COL21A1: variants seen among roughly 807,000 people sequenced by gnomAD.
COL21A1 encodes collagen alpha-1(XXI) chain.
Under a neutral mutation model 137.9 loss-of-function variants are expected in COL21A1, and 149 were observed. The ratio of observed to expected loss-of-function variants is 1.08; its 90% CI spans 0.95 to 1.24. The LOEUF (loss-of-function observed/expected upper bound fraction) is 1.24. Ranked by LOEUF, COL21A1 falls within the 50% of genes most tolerant of loss-of-function variation. The pLI is 0.00. For missense variants in COL21A1, 1,167 were observed against 1,158.4 expected (o/e 1.01, Z -0.11); for synonymous variants, 456 against 391.5 (o/e 1.16, Z -1.95).
chr6:56,143,751 C>T (rs73461361), intron 10 of COL21A1, among the ~76,000 whole-genome samples: 2,607 of 152,204 alleles, frequency 0.017, 70 homozygotes, highest in African/African-American at 0.06. Flanking sequence ...GCACTCTCTC[C>T]GTCACTGGAT....
rs376945703 is a variant in COL21A1, at chr6:56,124,625, A to ATTTTTTT, written c.1651-334_1651-333insAAAAAAA. Among the ~76,000 whole-genome samples the ATTTTTTT allele has an allele frequency of 7.2e-3, 736 of 101,880 alleles. 2 individuals carry two copies. The highest frequency in any genetic ancestry group is 0.016 in the African/African-American group (434 of 27,868). 66.8% of individuals were successfully genotyped at this position (101,880 alleles called of 152,430 possible). The stretch of plus-strand genomic sequence containing the variant: ...CCCATAACATCAAATTTCAGTGGAC[A>ATTTTTTT]TGTTTTTTGTTTGTTTGTTTGTTTG... On this transcript the variant is annotated intron_variant, in intron 14 of 29. Transcript: ENST00000244728.
intron 1 of COL21A1, among the ~76,000 whole-genome samples, chr6:56,323,228 A>C (rs1327934827): frequency 6.6e-6 from 1 of 152,200 alleles, no homozygotes; most frequent in African/African-American, 2.4e-5. Flanking sequence ...TCATTTGTGC[A>C]TGATTAAGAA....
intron 17 of COL21A1, among the ~76,000 whole-genome samples, chr6:56,098,818 C>T (rs1318929454): frequency 6.9e-5 from 10 of 145,166 alleles, no homozygotes; most frequent in Non-Finnish European, 1.3e-4. Context: ...CAGGTTCAAG[C>T]GATTCTCCTG....
chr6:56,129,537 A>T (rs1349547243), intron 12 of COL21A1, among the ~76,000 whole-genome samples: 1 of 152,172 alleles, frequency 6.6e-6, no homozygotes, highest in Non-Finnish European at 1.5e-5. Context: ...CCCACCTAAC[A>T]AATACAAAGA....
chr6:56,133,144 C>T (rs1382460311), intron 12 of COL21A1, among the ~76,000 whole-genome samples: 3 of 152,128 alleles, frequency 2.0e-5, no homozygotes, highest in African/African-American at 4.8e-5. Flanking sequence ...CAGAAGAACA[C>T]AGAAAAATGT....
At chr6:56,200,631 A>G (rs1779324368) in intron 1 of COL21A1, among the ~76,000 whole-genome samples, 1 of 150,738 alleles carries the variant, frequency 6.6e-6, no homozygotes, top group African/African-American at 2.4e-5. Flanking sequence ...AAGGACATGA[A>G]CTCATCATTT....
chr6:56,221,828 C>G (rs1780847698), intron 1 of COL21A1, among the ~76,000 whole-genome samples: 1 of 152,156 alleles, frequency 6.6e-6, no homozygotes, highest in African/African-American at 2.4e-5. Context: ...GGTAATGCTT[C>G]TATTTCAGAA....
At chr6:56,233,317 T>TA (rs1781699811) in intron 1 of COL21A1, among the ~76,000 whole-genome samples, 1 of 151,442 alleles carries the variant, frequency 6.6e-6, no homozygotes, top group Non-Finnish European at 1.5e-5. Flanking sequence ...CAAATATCAA[T>TA]AAAAACCAGC....
intron 17 of COL21A1, among the ~76,000 whole-genome samples, chr6:56,093,253 T>C (rs554572332): frequency 1.3e-4 from 20 of 152,238 alleles, no homozygotes; most frequent in African/African-American, 4.8e-4. Flanking sequence ...AGATTCACAT[T>C]CATCCCACAT....
chr6:56,070,779 C>A lies in COL21A1; in HGVS notation c.1985G>T (p.Gly662Val). The A allele has an allele frequency of 6.3e-7, 1 of 1,591,436 alleles. No homozygotes were observed. The highest frequency in any genetic ancestry group is 8.5e-7 in the Non-Finnish European group (1 of 1,172,850). The change falls in exon 21 of 30, where the codon GGA (glycine) becomes GTA (valine). Residue 662 changes from glycine (G) to valine (V), a missense_variant. Physicochemically the swap from Gly to Val is moderately radical, Grantham distance 109 (BLOSUM62 -3). Transcript: ENST00000244728. ...PGSKGSKGEP[G>V]IQGMPGASGL... ...AGAAGCCCCAGGCATCCCTTGAATT[C>A]CAGGTTCACCTTTGCTTCCCTGTCA... is the stretch of plus-strand genomic sequence containing the variant.
At chr6:56,216,936 C>A (rs2764061) in intron 1 of COL21A1, among the ~76,000 whole-genome samples, 15,054 of 151,926 alleles carry the variant, frequency 0.099, 911 homozygotes, top group African/African-American at 0.17. Flanking sequence ...GAAGGTAAGA[C>A]CTGATTAGAT....
intron 1 of COL21A1, among the ~76,000 whole-genome samples, chr6:56,296,091 G>A (rs1052598170): frequency 2.6e-5 from 4 of 151,876 alleles, no homozygotes; most frequent in Non-Finnish European, 5.9e-5. Context: ...TCTTTATCAA[G>A]TTGAGGAAAT....
intron 1 of COL21A1, among the ~76,000 whole-genome samples, chr6:56,367,732 T>A (rs1390698411): frequency 1.3e-5 from 2 of 152,202 alleles, no homozygotes; most frequent in African/African-American, 4.8e-5. Flanking sequence ...GACAATTTTT[T>A]GTTTTTTTGT....
chr6:56,353,545 T>C (rs531932470), intron 1 of COL21A1, among the ~76,000 whole-genome samples: 14 of 152,210 alleles, frequency 9.2e-5, no homozygotes, highest in South Asian at 2.1e-4. Context: ...GCTTAGTTCA[T>C]TCAACCCTTG....
chr6:56,236,124 G>A (rs1781880515), intron 1 of COL21A1, among the ~76,000 whole-genome samples: 1 of 151,952 alleles, frequency 6.6e-6, no homozygotes. Context: ...AATGTGTTTA[G>A]GGAAGGCTGA....
chr6:56,313,424 C>T (rs1169081473), intron 1 of COL21A1, among the ~76,000 whole-genome samples: 8 of 152,060 alleles, frequency 5.3e-5, no homozygotes, highest in Admixed American at 5.2e-4. Flanking sequence ...TTTATTTTCT[C>T]ATGGTTCTGG....
At chr6:56,376,446 G>GT (rs11395018) in intron 1 of COL21A1, among the ~76,000 whole-genome samples, 18,778 of 145,822 alleles carry the variant, frequency 0.13, 1,254 homozygotes, top group African/African-American at 0.2. Context: ...GGTAAAGAAA[G>GT]TTTTTTTTTT....
intron 1 of COL21A1, among the ~76,000 whole-genome samples, chr6:56,290,559 G>T (rs913131878): frequency 4.8e-5 from 7 of 146,778 alleles, no homozygotes; most frequent in Non-Finnish European, 8.9e-5. Context: ...GAGTGCAGTG[G>T]CATGATCTCG....
At position 56,077,617 on chromosome 6, in the gene COL21A1, G is replaced by A. The variant is rs3736733; in HGVS notation, c.1813-44C>T. ...GATTTTTAACTTATAAAAAATTGAA[G>A]ACTTTATCATTAAAGAAGAAACAGT... On this transcript the variant is annotated intron_variant, in intron 17 of 29. Transcript: ENST00000244728. 2.5e-3 allele frequency: 3,014 copies of A among 1,200,338 alleles called. 55 individuals carry two copies. The East Asian group carries it at 0.04, about 16-fold the overall frequency. 74.4% of individuals were successfully genotyped at this position (1,200,338 alleles called of 1,614,324 possible).
Sources: gnomAD v4.1 joint callset for allele counts (sites outside exome capture counted in the v4.1 genomes callset) on GRCh38, gnomAD v4.1.1 for gene constraint, MANE v1.5 for transcripts, NCBI Gene and HGNC (gene_info 2026-07-23, HGNC 2026-07-21) for gene names.